The following C16orf87 variants were observed in gnomAD, a reference collection of about 807,000 sequenced individuals.
C16orf87 encodes the protein HDAC and MIER1 interacting protein 1.
In C16orf87, 13 loss-of-function variants were observed where a neutral mutation model predicts 21.0. The observed-to-expected ratio is 0.62, with a 90% CI of 0.40 to 0.98. The LOEUF is 0.98. Among genes scored for constraint, C16orf87 ranks in the 50% least tolerant of loss-of-function variants. C16orf87 has a pLI of 0.00. For synonymous variants in C16orf87, 49 were observed against 60.2 expected, an observed-to-expected ratio of 0.81 and a Z score of 0.86; for missense variants, 113 against 180.4, an observed-to-expected ratio of 0.63 and a Z score of 2.14.
chr16:46,816,342 T>C (rs1968238038), intron 2 of C16orf87, among the ~76,000 whole-genome samples: 1 of 152,198 alleles, frequency 6.6e-6, no homozygotes, highest in Admixed American at 6.5e-5. Context: ...ATGCACTTAA[T>C]GCCACTAAAC....
intron 1 of C16orf87, among the ~76,000 whole-genome samples, chr16:46,829,283 C>T (rs921773334): frequency 6.6e-6 from 1 of 151,976 alleles, no homozygotes; most frequent in African/African-American, 2.4e-5. Context: ...GCTGGGTAAG[C>T]TGATTTTATA....
intron 3 of C16orf87, chr16:46,808,118 CATAGGTTT>C: frequency 2.2e-6 from 1 of 455,864 alleles, no homozygotes; most frequent in Non-Finnish European, 4.4e-6. Context: ...GAGTCCTCGG[CATAGGTTT>C]TCTGCACCCT....
At chr16:46,810,068 C>A (rs571812186) in intron 2 of C16orf87, among the ~76,000 whole-genome samples, 2 of 152,296 alleles carry the variant, frequency 1.3e-5, no homozygotes, top group African/African-American at 4.8e-5. Context: ...CAAGTTCACA[C>A]AATTCCATAG....
At chr16:46,824,197 G>T (rs1427732379) in intron 2 of C16orf87, among the ~76,000 whole-genome samples, 189 bp downstream of exon 2, 1 of 152,120 alleles carries the variant, frequency 6.6e-6, no homozygotes, top group African/African-American at 2.4e-5. Context: ...CATTGTAAGG[G>T]ACTTAACATT....
chr16:46,809,557 A>G, intron 3 of C16orf87, 46 bp downstream of exon 3: 1 of 1,345,812 alleles, frequency 7.4e-7, no homozygotes, highest in Non-Finnish European at 1.0e-6. Context: ...TTAAGATCCC[A>G]GATCAATTTA....
intron 1 of C16orf87, among the ~76,000 whole-genome samples, chr16:46,830,056 T>C (rs1352049567): frequency 6.6e-6 from 1 of 152,080 alleles, no homozygotes; most frequent in Non-Finnish European, 1.5e-5. Flanking sequence ...GCCTTACGAA[T>C]GGTTTTAACT....
At chr16:46,807,775 C>G (rs1967972244) in intron 3 of C16orf87, among the ~76,000 whole-genome samples, 1 of 152,178 alleles carries the variant, frequency 6.6e-6, no homozygotes, top group Non-Finnish European at 1.5e-5. Flanking sequence ...CTAGAAATAG[C>G]TTTCTTAAAA....
At chr16:46,816,570 G>A (rs753091127) in intron 2 of C16orf87, among the ~76,000 whole-genome samples, 2 of 152,076 alleles carry the variant, frequency 1.3e-5, no homozygotes, top group Non-Finnish European at 2.9e-5. Flanking sequence ...GACAAAAAGA[G>A]AATGTGACAG....
At chr16:46,806,559 C>T (rs1198293105) in intron 3 of C16orf87, among the ~76,000 whole-genome samples, 4 of 152,138 alleles carry the variant, frequency 2.6e-5, no homozygotes, top group Non-Finnish European at 5.9e-5. Flanking sequence ...ACGCCTGACC[C>T]ATTCATTCTT....
At chr16:46,827,494 G>A (rs1442498082) in intron 1 of C16orf87, among the ~76,000 whole-genome samples, 2 of 152,082 alleles carry the variant, frequency 1.3e-5, no homozygotes, top group East Asian at 3.8e-4. Context: ...ATTGTTTACT[G>A]ATAGTTTACT....
At chr16:46,804,989 TTTC>T (rs1205227614) in intron 3 of C16orf87, among the ~76,000 whole-genome samples, 2 of 152,196 alleles carry the variant, frequency 1.3e-5, no homozygotes, top group Non-Finnish European at 2.9e-5. Flanking sequence ...TCATTTTGCT[TTTC>T]TTTTTTCTGA....
In C16orf87 at chr16:46,809,547, T is replaced by A; in HGVS notation, c.346+56A>T. 4 of 1,240,612 alleles carry A rather than the reference T, an allele frequency of 3.2e-6. 1 individual carries two copies. The South Asian group carries it at 5.6e-5, about 18-fold the overall frequency. 76.9% of individuals were successfully genotyped at this position (1,240,612 alleles called of 1,614,324 possible). ...CTCCACTTTCTTCACTACTACCTAA[T>A]TAAGATCCCAGATCAATTTAATACT... On this transcript the variant is annotated intron_variant, in intron 3 of 3. Transcript: ENST00000285697.
chr16:46,825,729 T>C (rs572420565), intron 1 of C16orf87, among the ~76,000 whole-genome samples: 10 of 152,092 alleles, frequency 6.6e-5, no homozygotes, highest in Admixed American at 6.5e-4. Context: ...CTGACCAACA[T>C]GGTGAAACCC....
chr16:46,818,551 CCTA>C (rs1959289826), intron 2 of C16orf87, among the ~76,000 whole-genome samples: 1 of 152,054 alleles, frequency 6.6e-6, no homozygotes, highest in African/African-American at 2.4e-5. Flanking sequence ...ATTATAATTT[CCTA>C]CTGTCTCAAC....
intron 3 of C16orf87, among the ~76,000 whole-genome samples, chr16:46,805,327 T>C (rs1967897451): frequency 6.6e-6 from 1 of 152,158 alleles, no homozygotes; most frequent in Non-Finnish European, 1.5e-5. Flanking sequence ...TTGTTATAGT[T>C]TCTGGAACCT....
intron 3 of C16orf87, among the ~76,000 whole-genome samples, chr16:46,809,005 A>G (rs2143071656): frequency 6.9e-6 from 1 of 145,420 alleles, no homozygotes; most frequent in South Asian, 2.2e-4. Context: ...GAACTCAGAC[A>G]TGTCTTTAAA....
chr16:46,811,834 A>C (rs560619807), intron 2 of C16orf87, among the ~76,000 whole-genome samples: 1 of 152,184 alleles, frequency 6.6e-6, no homozygotes, highest in Non-Finnish European at 1.5e-5. Context: ...ATCCAAAAGC[A>C]CTTTAGGCAT....
chr16:46,823,497 G>C (rs1330479758), intron 2 of C16orf87, among the ~76,000 whole-genome samples: 1 of 152,110 alleles, frequency 6.6e-6, no homozygotes, highest in Non-Finnish European at 1.5e-5. Context: ...AATCCAATTT[G>C]TCTACGTTAA....
rs931423121 is a variant in C16orf87, at chr16:46,802,253, T to A, written c.*699A>T. The A allele has an allele frequency of 2.6e-5, 4 of 152,094 alleles. No homozygotes were observed. The highest frequency in any genetic ancestry group is 5.9e-5 in the Non-Finnish European group (4 of 67,880). 9.4% of individuals were successfully genotyped at this position (152,094 alleles called of 1,614,324 possible). ...TTGTTTTTTTTTTTTAGCTAATAAA[T>A]AAATTACATTCAAGAAAACAAGGTG... is the stretch of plus-strand genomic sequence containing the variant. On this transcript the variant is annotated 3_prime_UTR_variant, in exon 4 of 4. Coordinates refer to ENST00000285697, the MANE Select transcript of C16orf87 (RefSeq NM_001001436.4).
Sources: gnomAD v4.1 joint callset for allele counts (sites outside exome capture counted in the v4.1 genomes callset) on GRCh38, gnomAD v4.1.1 for gene constraint, MANE v1.5 for transcripts, NCBI Gene and HGNC (gene_info 2026-07-23, HGNC 2026-07-21) for gene names.